Variants in CSMD1 observed in about 807,000 individuals in gnomAD.
The protein encoded by CSMD1 is CUB and Sushi multiple domains 1.
CSMD1 carries 213 observed loss-of-function variants against 417.5 expected under a neutral mutation model. The observed-to-expected ratio is 0.51, with a 90% confidence interval of 0.46 to 0.57. The LOEUF is 0.57. Among genes scored for constraint, CSMD1 ranks in the 20% least tolerant of loss-of-function variants. The pLI, the probability that CSMD1 is intolerant of heterozygous loss-of-function variation, is 0.00. For missense variants in CSMD1, 6,923 were observed against 4,529.7 expected (o/e 1.53, Z -15.17); for synonymous variants, 2,862 against 1,736.8 (o/e 1.65, Z -16.11).
At chr8:3,696,104 G>C (rs117156926) in intron 7 of CSMD1, among the ~76,000 whole-genome samples, 1 of 152,236 alleles carries the variant, frequency 6.6e-6, no homozygotes, top group East Asian at 1.9e-4. Context: ...CTACATATCA[G>C]TTACCTTGAA....
At chr8:3,533,000 A>G (rs1438455015) in intron 10 of CSMD1, among the ~76,000 whole-genome samples, 1 of 152,226 alleles carries the variant, frequency 6.6e-6, no homozygotes, top group Admixed American at 6.5e-5. Context: ...CCTTCTACTC[A>G]TAACAAATTA....
At chr8:3,395,548 A>C (rs7841495) in intron 17 of CSMD1, among the ~76,000 whole-genome samples, 2 of 152,020 alleles carry the variant, frequency 1.3e-5, no homozygotes, top group South Asian at 2.1e-4. Context: ...AGGGCAGGAA[A>C]ACTTTCCATG....
intron 2 of CSMD1, among the ~76,000 whole-genome samples, chr8:4,630,846 G>A (rs1392557819): frequency 6.6e-6 from 1 of 152,094 alleles, no homozygotes; most frequent in Non-Finnish European, 1.5e-5. Context: ...CTACTTCCCT[G>A]GAACTATCCA....
At chr8:3,724,605 A>T (rs950223855) in intron 6 of CSMD1, among the ~76,000 whole-genome samples, 11 of 152,156 alleles carry the variant, frequency 7.2e-5, no homozygotes, top group Non-Finnish European at 1.6e-4. Flanking sequence ...GGGAATGAGA[A>T]TTGGCCTCTG....
Position 3,308,493 on chromosome 8 carries a change from C to T in CSMD1, c.3642G>A (p.Leu1214=), listed in dbSNP as rs765773548. 6.2e-7 allele frequency: 1 copy of T among 1,611,644 alleles called. No homozygotes were observed. ...GGATGCCCGGATCCTCACATTTTACCAGATCAAAACCTGCAAGAGAGAAAG... is the reference window on the plus strand; with the variant it reads ...GGATGCCCGGATCCTCACATTTTACTAGATCAAAACCTGCAAGAGAGAAAG... ...GFQLTYTSFD[L]VKCEDPGIPN... The change falls in exon 24 of 70, where the codon CTG becomes CTA. Residue 1214 remains leucine (L), a synonymous_variant. Coordinates refer to ENST00000635120, the MANE Select transcript of CSMD1 (RefSeq NM_033225.6).
At chr8:4,967,156 C>G (rs894679987) in intron 1 of CSMD1, among the ~76,000 whole-genome samples, 2 of 152,098 alleles carry the variant, frequency 1.3e-5, no homozygotes, top group East Asian at 1.9e-4. Flanking sequence ...TCCTTGTATT[C>G]GGAAAATAAT....
chr8:3,238,813 G>A (rs1331208098), intron 26 of CSMD1, among the ~76,000 whole-genome samples: 2 of 152,212 alleles, frequency 1.3e-5, no homozygotes, highest in African/African-American at 2.4e-5. Context: ...TTTACTTTAA[G>A]TGTTAAGAGT....
intron 4 of CSMD1, among the ~76,000 whole-genome samples, chr8:4,002,706 G>A (rs929757529): frequency 3.9e-5 from 6 of 152,096 alleles, no homozygotes; most frequent in Non-Finnish European, 8.8e-5. Flanking sequence ...AGTGCTACAA[G>A]GACCCAATAT....
intron 37 of CSMD1, among the ~76,000 whole-genome samples, chr8:3,163,452 G>A (rs1251551998): frequency 3.3e-5 from 5 of 151,774 alleles, no homozygotes. Flanking sequence ...GTCCACTCAG[G>A]GGCAGTCCCA....
At chr8:4,187,573 G>C (rs1485282543) in intron 3 of CSMD1, among the ~76,000 whole-genome samples, 2 of 148,938 alleles carry the variant, frequency 1.3e-5, no homozygotes, top group Admixed American at 6.9e-5. Flanking sequence ...GAACCCAGGA[G>C]GCTAATGTAG....
At chr8:3,732,055 T>C (rs1796299651) in intron 6 of CSMD1, among the ~76,000 whole-genome samples, 1 of 151,934 alleles carries the variant, frequency 6.6e-6, no homozygotes, top group Admixed American at 6.6e-5. Flanking sequence ...AAAAAAATGC[T>C]CCATTCCTAT....
At chr8:4,494,116 G>C (rs781744938) in intron 2 of CSMD1, among the ~76,000 whole-genome samples, 30 of 152,164 alleles carry the variant, frequency 2.0e-4, no homozygotes, top group South Asian at 4.1e-4. Context: ...GAAAAATGAA[G>C]AGAGTTAGAG....
At chr8:2,939,996 C>T (rs1240688616) in intron 69 of CSMD1, among the ~76,000 whole-genome samples, 1 of 152,104 alleles carries the variant, frequency 6.6e-6, no homozygotes, top group African/African-American at 2.4e-5. Flanking sequence ...CAGCTGCACC[C>T]GGCAGAAGGC....
intron 12 of CSMD1, among the ~76,000 whole-genome samples, chr8:3,441,767 G>C (rs933137741): frequency 6.6e-6 from 1 of 152,030 alleles, no homozygotes; most frequent in Non-Finnish European, 1.5e-5. Context: ...ATAATAATAA[G>C]TGACTATGAC....
chr8:3,311,936 G>A (rs1357112019), intron 23 of CSMD1, among the ~76,000 whole-genome samples: 1 of 152,106 alleles, frequency 6.6e-6, no homozygotes, highest in African/African-American at 2.4e-5. Flanking sequence ...ATGCCTCTAT[G>A]TTCAGAAATC....
intron 10 of CSMD1, among the ~76,000 whole-genome samples, chr8:3,502,935 C>A (rs547197155): frequency 6.6e-6 from 1 of 152,234 alleles, no homozygotes; most frequent in Admixed American, 6.5e-5. Context: ...AACAAACACA[C>A]CATGCTGAAA....
At chr8:3,422,269 A>G (rs1813542893) in intron 12 of CSMD1, among the ~76,000 whole-genome samples, 1 of 152,136 alleles carries the variant, frequency 6.6e-6, no homozygotes, top group Non-Finnish European at 1.5e-5. Context: ...TCTTGATGGC[A>G]TACAATTCTG....
chr8:4,207,214 A>G (rs955565088), intron 3 of CSMD1, among the ~76,000 whole-genome samples: 4 of 152,206 alleles, frequency 2.6e-5, no homozygotes, highest in African/African-American at 7.2e-5. Context: ...GAATGTGAAA[A>G]GTTGTATAAC....
chr8:3,704,410 C>G (rs969340746), intron 7 of CSMD1, among the ~76,000 whole-genome samples: 1 of 152,138 alleles, frequency 6.6e-6, no homozygotes, highest in African/African-American at 2.4e-5. Context: ...TAAAACAAAT[C>G]CACAGTTATA....
Sources: gnomAD v4.1 joint callset for allele counts (sites outside exome capture counted in the v4.1 genomes callset) on GRCh38, gnomAD v4.1.1 for gene constraint, MANE v1.5 for transcripts, NCBI Gene and HGNC (gene_info 2026-07-23, HGNC 2026-07-21) for gene names.